Variants in TSHZ1 observed in about 807,000 individuals in gnomAD.
The protein encoded by TSHZ1 is teashirt homolog 1.
TSHZ1 carries 12 observed loss-of-function variants against 67.1 expected under a neutral mutation model. The observed-to-expected ratio is 0.18, with a 90% CI of 0.11 to 0.29. TSHZ1 has a LOEUF of 0.29. TSHZ1 is among the 10% of genes least tolerant of loss of function. The probability of loss-of-function intolerance (pLI) is 1.00; values close to 1 mark genes in which losing one functional copy is unlikely to be tolerated. For missense variants in TSHZ1, 1,305 were observed against 1,413.9 expected, an observed-to-expected ratio of 0.92 and a Z score of 1.23; for synonymous variants, 632 against 622.4, an observed-to-expected ratio of 1.02 and a Z score of -0.23.
chr18:75,288,681 C>T lies in TSHZ1; in HGVS notation c.*40C>T, dbSNP rs764955005. 5.1e-5 allele frequency: 78 copies of T among 1,532,406 alleles called. No homozygotes were observed. The highest frequency in any genetic ancestry group is 8.4e-5 in the Admixed American group (4 of 47,730). 94.9% of individuals were successfully genotyped at this position (1,532,406 alleles called of 1,614,324 possible). A position where few individuals can be genotyped will look rare whatever the true frequency, so the allele number is the denominator to read the frequency against. ...AGAGACCGCGGAACATTGCACTAAA[C>T]GTCGTCGAGCTGCACTAGGCCTGGC... On this transcript the variant is annotated 3_prime_UTR_variant, in exon 2 of 2. Coordinates refer to ENST00000580243, the MANE Select transcript of TSHZ1 (RefSeq NM_001308210.2). The surrounding 1 kb of genome is among the most constrained non-coding windows in gnomAD (Gnocchi z 4.9).
intron 1 of TSHZ1, among the ~76,000 whole-genome samples, chr18:75,234,822 A>G (rs1272047539): frequency 6.6e-6 from 1 of 152,224 alleles, no homozygotes; most frequent in Admixed American, 6.5e-5. Context: ...TGCTGTTCAT[A>G]AAACACTCGA....
chr18:75,261,610 A>G (rs189382801), intron 1 of TSHZ1, among the ~76,000 whole-genome samples: 2 of 152,326 alleles, frequency 1.3e-5, no homozygotes, highest in Admixed American at 6.5e-5. Context: ...GCTTTCTTCA[A>G]GGCTTCTGGT....
intron 1 of TSHZ1, among the ~76,000 whole-genome samples, chr18:75,214,229 C>CA (rs2022737103): frequency 1.3e-5 from 2 of 152,168 alleles, no homozygotes; most frequent in Admixed American, 1.3e-4. Context: ...TCCATTAACA[C>CA]ACGTTGGTTC....
intron 1 of TSHZ1, among the ~76,000 whole-genome samples, chr18:75,254,479 A>C (rs76317230): frequency 0.016 from 2,473 of 152,308 alleles, 69 homozygotes; most frequent in African/African-American, 0.055. Context: ...TGAATTCATT[A>C]TTTACTCATA....
chr18:75,287,822 C>A lies in TSHZ1; in HGVS notation c.2415C>A (p.Asn805Lys). 6.2e-7 allele frequency: 1 copy of A among 1,614,150 alleles called. No individual in the cohort carries two copies. Among genetic ancestry groups the A allele is most frequent in the South Asian group, 1.1e-5 (1 of 91,088 alleles). ...ADAIDRYYYE[N>K]SDQPIDLTKS... The stretch of plus-strand genomic sequence containing the variant: ...CCATCGACCGCTACTATTATGAAAA[C>A]AGCGACCAGCCCATTGACTTAACCA... Residue 805 changes from asparagine to lysine, a missense_variant, in exon 2 of 2, where the codon AAC becomes AAA. Asn to Lys is a moderately conservative substitution (Grantham distance 94). Transcript: ENST00000580243. This position sits in a 1 kb window ranked among gnomAD's most constrained non-coding sequence, Gnocchi z 5.0.
intron 1 of TSHZ1, among the ~76,000 whole-genome samples, chr18:75,253,967 G>A (rs1033187636): frequency 1.3e-5 from 2 of 152,218 alleles, no homozygotes; most frequent in African/African-American, 4.8e-5. Flanking sequence ...CCACTGCACA[G>A]GCCTAATTCC....
intron 1 of TSHZ1, among the ~76,000 whole-genome samples, chr18:75,221,628 T>C (rs1465084387): frequency 6.6e-6 from 1 of 152,264 alleles, no homozygotes; most frequent in Non-Finnish European, 1.5e-5. Context: ...TTGTGACTAA[T>C]ATTTATTTCA....
Position 75,211,817 on chromosome 18 carries a change from G to C in TSHZ1, c.-60G>C. ...GTTGCGCCCGCGCCCGGGGCCCCGC[G>C]TCCCCGCGCCCCGCGAACTCCGGCG... On this transcript the variant is annotated 5_prime_UTR_variant, in exon 1 of 2. Transcript: ENST00000580243. 1 of 1,068,878 alleles carries C rather than the reference G, an allele frequency of 9.4e-7. No homozygotes were observed. Among genetic ancestry groups the C allele is most frequent in the Non-Finnish European group, 1.1e-6 (1 of 884,464 alleles). 66.2% of individuals were successfully genotyped at this position (1,068,878 alleles called of 1,614,324 possible). A position where few individuals can be genotyped will look rare whatever the true frequency, so the allele number is the denominator to read the frequency against.
Position 75,211,530 on chromosome 18 carries a change from C to T in TSHZ1, c.-347C>T, listed in dbSNP as rs1269139839. 1.4e-5 allele frequency: 2 copies of T among 145,176 alleles called. No homozygotes were observed. Among genetic ancestry groups the T allele is most frequent in the Non-Finnish European group, 3.1e-5 (2 of 65,528 alleles). 9.0% of individuals were successfully genotyped at this position (145,176 alleles called of 1,614,324 possible). ...CAGCGCGGCGGCGGGGAGGCGGCAG[C>T]ATGGAGCGCGGGCCGCGGGCCGGCC... On this transcript the variant is annotated 5_prime_UTR_variant, in exon 1 of 2. Coordinates refer to ENST00000580243, the MANE Select transcript of TSHZ1 (RefSeq NM_001308210.2).
chr18:75,286,017 C>A lies in TSHZ1; in HGVS notation c.610C>A (p.Leu204Met), dbSNP rs759222660. ...CGGGTACGACTGGCACCAGGCTGCA[C>A]TGGCCAAGACGCTGCAGCAGACGTC... The part of the protein sequence containing the change: ...SSGYDWHQAA[L>M]AKTLQQTSSY... Residue 204 changes from leucine (L) to methionine (M), a missense_variant, in exon 2 of 2, where the codon CTG becomes ATG. Coordinates refer to ENST00000580243, the MANE Select transcript of TSHZ1 (RefSeq NM_001308210.2). The surrounding 1 kb of genome is among the most constrained non-coding windows in gnomAD (Gnocchi z 5.1). 5 of 1,610,740 alleles carry A rather than the reference C, an allele frequency of 3.1e-6. No individual in the cohort carries two copies. In the African/African-American group the frequency reaches 4.0e-5, roughly 13 times the overall value.
At chr18:75,225,644 C>T (rs115919787) in intron 1 of TSHZ1, among the ~76,000 whole-genome samples, 278 of 152,142 alleles carry the variant, frequency 1.8e-3, no homozygotes, top group African/African-American at 4.4e-3. Flanking sequence ...CTCCACATTC[C>T]GAGCCTGAAG....
At chr18:75,235,727 A>G (rs560013577) in intron 1 of TSHZ1, among the ~76,000 whole-genome samples, 3 of 152,228 alleles carry the variant, frequency 2.0e-5, no homozygotes, top group South Asian at 2.1e-4. Context: ...TTCATTGAGC[A>G]ATGAAATAAA....
intron 1 of TSHZ1, among the ~76,000 whole-genome samples, chr18:75,263,163 G>A (rs1347421513): frequency 6.6e-6 from 1 of 152,144 alleles, no homozygotes; most frequent in African/African-American, 2.4e-5. Context: ...GTTACTTGTG[G>A]TCATATCTTT....
Position 75,286,951 on chromosome 18 carries a change from A to T in TSHZ1, c.1544A>T (p.Lys515Met), listed in dbSNP as rs370245736. 4 of 1,614,070 alleles carry T rather than the reference A, an allele frequency of 2.5e-6. No individual in the cohort carries two copies. The African/African-American group carries it at 5.3e-5, about 22-fold the overall frequency. The change falls in exon 2 of 2, where the codon AAG becomes ATG. Residue 515 changes from lysine (K) to methionine (M), a missense_variant. Transcript: ENST00000580243. The surrounding 1 kb of genome is among the most constrained non-coding windows in gnomAD (Gnocchi z 5.1). The part of the protein sequence containing the change: ...EKPPVAGDAE[K>M]IKEESEDSLE... ...CCGCCTGTGGCTGGCGACGCGGAGA[A>T]GATCAAGGAGGAGAGTGAGGACAGC...
chr18:75,288,495 G>C lies in TSHZ1; in HGVS notation c.3088G>C (p.Glu1030Gln). Residue 1030 changes from glutamate to glutamine, a missense_variant, in exon 2 of 2, where the codon GAG becomes CAG. Physicochemically the swap from Glu to Gln is conservative, Grantham distance 29. Around this residue, in one of 3 missense-constraint regions of TSHZ1, gnomAD observed 909 missense variants for 961.8 expected, o/e 0.95. Coordinates refer to ENST00000580243, the MANE Select transcript of TSHZ1 (RefSeq NM_001308210.2). The surrounding 1 kb of genome is among the most constrained non-coding windows in gnomAD (Gnocchi z 4.9). Reference protein sequence around the residue: ...NKTLGPLGATEEDLGSTFQCK... With the variant: ...NKTLGPLGATQEDLGSTFQCK... The stretch of plus-strand genomic sequence containing the variant: ...AACTCTGGGCCCACTGGGGGCCACC[G>C]AGGAAGACTTGGGCTCCACATTCCA... The C allele has an allele frequency of 1.2e-6, 2 of 1,614,162 alleles. No homozygotes were observed. The highest frequency in any genetic ancestry group is 1.7e-6 in the Non-Finnish European group (2 of 1,180,026).
intron 1 of TSHZ1, among the ~76,000 whole-genome samples, chr18:75,220,282 T>C (rs2022830003): frequency 1.3e-5 from 2 of 152,212 alleles, no homozygotes; most frequent in South Asian, 4.1e-4. Flanking sequence ...AAATAGTGAA[T>C]TGCATAGAGA....
intron 1 of TSHZ1, among the ~76,000 whole-genome samples, chr18:75,242,219 T>A (rs141446315): frequency 6.6e-6 from 1 of 152,246 alleles, no homozygotes; most frequent in East Asian, 1.9e-4. Flanking sequence ...AACCAATAGT[T>A]GTGGATAACC....
At chr18:75,220,744 T>G (rs544439367) in intron 1 of TSHZ1, among the ~76,000 whole-genome samples, 2 of 152,346 alleles carry the variant, frequency 1.3e-5, no homozygotes, top group African/African-American at 4.8e-5. Context: ...GATTTGCTTT[T>G]GTTGTTCATC....
chr18:75,211,942 G>A, intron 1 of TSHZ1, 26 bp downstream of exon 1: 1 of 1,202,244 alleles, frequency 8.3e-7, no homozygotes. Flanking sequence ...CCCGCGCCGC[G>A]GGGAGTGGGC....
Sources: allele counts gnomAD v4.1 joint callset (sites outside exome capture counted in the v4.1 genomes callset), GRCh38; gene constraint gnomAD v4.1.1; regional missense constraint gnomAD v4.1.1; non-coding constraint Gnocchi (gnomAD v3.1); transcripts MANE v1.5; gene names NCBI Gene and HGNC (gene_info 2026-07-23, HGNC 2026-07-21).